Variants in TLE1 observed in about 807,000 individuals in gnomAD.
TLE1 encodes transducin-like enhancer protein 1.
A neutral mutation model predicts 89.8 loss-of-function variants in TLE1; 21 were observed. The ratio of observed to expected loss-of-function variants is 0.23; its 90% CI spans 0.17 to 0.34. The LOEUF is 0.34. Among genes scored for constraint, TLE1 ranks in the 10% least tolerant of loss-of-function variants. TLE1 has a pLI of 1.00. For missense variants in TLE1, 795 were observed against 1,031.2 expected, an observed-to-expected ratio of 0.77 and a Z score of 3.14; for synonymous variants, 447 against 407.6, an observed-to-expected ratio of 1.10 and a Z score of -1.16.
At chr9:81,613,650 A>C in intron 11 of TLE1, 129 bp from the exon 12 acceptor site, 1 of 1,015,966 alleles carries the variant, frequency 9.8e-7, no homozygotes, top group African/African-American at 1.6e-5. Context: ...ATAAATCCAC[A>C]CAATGTTGAC....
intron 2 of TLE1, among the ~76,000 whole-genome samples, chr9:81,686,403 T>C (rs574749030): frequency 6.6e-6 from 1 of 152,186 alleles, no homozygotes; most frequent in Non-Finnish European, 1.5e-5. Context: ...GCTACTGCAA[T>C]AAAGTGGGTT....
At chr9:81,648,136 G>A (rs1189976134) in intron 6 of TLE1, among the ~76,000 whole-genome samples, 2 of 151,844 alleles carry the variant, frequency 1.3e-5, no homozygotes, top group East Asian at 3.9e-4. Context: ...GCTGGGTATG[G>A]CGGTGCATGC....
At position 81,688,369 on chromosome 9, in the gene TLE1, G is replaced by T. The variant is rs1834652132; in HGVS notation, c.-129C>A. 10 of 1,080,368 alleles carry T rather than the reference G, an allele frequency of 9.3e-6. No individual in the cohort carries two copies. Among genetic ancestry groups the T allele is most frequent in the Non-Finnish European group, 1.2e-5 (10 of 803,030 alleles). The allele number at this position is 1,080,368 out of a possible 1,614,324, so 66.9% of individuals were successfully genotyped here. ...AGCGGGGAGCGCGCTGGCCACGCAC[G>T]CGCGCTCCGCCGGGCGCACCGGCCA... On this transcript the variant is annotated 5_prime_UTR_variant, in exon 1 of 20. Transcript: ENST00000376499.
At position 81,595,712 on chromosome 9, in the gene TLE1, G is replaced by A. The variant is rs559973577; in HGVS notation, c.1332-2438C>T. Among the ~76,000 whole-genome samples, 336 of 151,802 alleles carry A rather than the reference G, an allele frequency of 2.2e-3. 2 individuals carry two copies. The highest frequency in any genetic ancestry group is 3.3e-3 in the Admixed American group (50 of 15,240). ...CGGGCGCTTGTAGTCCCAGCTACTC[G>A]GGAGGCTGAGGCAGGAGAATGGCGT... On this transcript the variant is annotated intron_variant, in intron 14 of 19. Coordinates refer to ENST00000376499, the MANE Select transcript of TLE1 (RefSeq NM_005077.5).
intron 1 of TLE1, among the ~76,000 whole-genome samples, chr9:81,687,683 G>A (rs1311584208): frequency 6.6e-6 from 1 of 152,164 alleles, no homozygotes; most frequent in East Asian, 2.0e-4. Flanking sequence ...GTGCGCCCGG[G>A]TCACCAGGCC....
rs911274009 is a variant in TLE1 at position 81,688,952 on chromosome 9, G to C, written c.-712C>G. 4 of 152,362 alleles carry C rather than the reference G, an allele frequency of 2.6e-5. No homozygotes were observed. The highest frequency in any genetic ancestry group is 9.7e-5 in the African/African-American group (4 of 41,448). 9.4% of individuals were successfully genotyped at this position (152,362 alleles called of 1,614,324 possible). ...GGAGGCGGCTCGGCACGCCCCGTGCGACCAGCACTCGGTGTTCTCCGCGGT... is the reference window on the plus strand; with the variant it reads ...GGAGGCGGCTCGGCACGCCCCGTGCCACCAGCACTCGGTGTTCTCCGCGGT... On this transcript the variant is annotated 5_prime_UTR_variant, in exon 1 of 20. Transcript: ENST00000376499.
intron 4 of TLE1, among the ~76,000 whole-genome samples, chr9:81,661,625 T>C (rs1296530573): frequency 1.3e-5 from 2 of 152,062 alleles, no homozygotes; most frequent in Admixed American, 6.6e-5. Flanking sequence ...CAGTGGAGTG[T>C]TGGTAAGAAG....
At chr9:81,625,931 A>AAAAAAAAAAAC (rs1825846705) in intron 8 of TLE1, among the ~76,000 whole-genome samples, 1 of 151,206 alleles carries the variant, frequency 6.6e-6, no homozygotes. Flanking sequence ...AAAAAAAAAA[A>AAAAAAAAAAAC]AAGCAACTTT....
At chr9:81,659,272 T>TA (rs924363875) in intron 4 of TLE1, among the ~76,000 whole-genome samples, 1 of 152,168 alleles carries the variant, frequency 6.6e-6, no homozygotes, top group African/African-American at 2.4e-5. Context: ...TTAACCTGGG[T>TA]ATTTGACCCT....
intron 6 of TLE1, among the ~76,000 whole-genome samples, chr9:81,641,915 A>G (rs1828172183): frequency 6.6e-6 from 1 of 152,144 alleles, no homozygotes; most frequent in Non-Finnish European, 1.5e-5. Context: ...CCAGCTACTC[A>G]GGAGGTTGAG....
At chr9:81,616,748 T>C (rs751973708) in intron 9 of TLE1, 49 bp from the exon 10 acceptor site, 2 of 1,604,758 alleles carry the variant, frequency 1.2e-6, no homozygotes, top group East Asian at 4.5e-5. Context: ...AAGAATAGGT[T>C]TGAGGCACAG....
At chr9:81,615,585 C>T (rs528132924) in intron 11 of TLE1, among the ~76,000 whole-genome samples, 293 of 148,268 alleles carry the variant, frequency 2.0e-3, no homozygotes, top group Non-Finnish European at 3.6e-3. Flanking sequence ...TGGTCGCGCG[C>T]GCCTGTAATC....
At chr9:81,605,357 C>T (rs1831499712) in intron 14 of TLE1, among the ~76,000 whole-genome samples, 1 of 151,892 alleles carries the variant, frequency 6.6e-6, no homozygotes, top group African/African-American at 2.4e-5. Context: ...CTTGTAACAA[C>T]AAAAAATGGA....
intron 8 of TLE1, among the ~76,000 whole-genome samples, chr9:81,630,612 A>G (rs1470673144): frequency 6.6e-6 from 1 of 152,206 alleles, no homozygotes. Context: ...TATCAAGATC[A>G]TGAGGCCATA....
At chr9:81,585,419 A>C (rs1232600179) in intron 18 of TLE1, 86 bp downstream of exon 18, 1 of 1,517,370 alleles carries the variant, frequency 6.6e-7, no homozygotes, top group East Asian at 2.3e-5. Context: ...CATTTTTTCC[A>C]GATTATGATC....
chr9:81,644,751 T>C (rs1277978687), intron 6 of TLE1, among the ~76,000 whole-genome samples: 1 of 152,096 alleles, frequency 6.6e-6, no homozygotes, highest in African/African-American at 2.4e-5. Context: ...CCCAGCACTT[T>C]GGGAGGCAGA....
intron 11 of TLE1, among the ~76,000 whole-genome samples, chr9:81,613,908 T>TC: frequency 7.3e-6 from 1 of 137,858 alleles, no homozygotes; most frequent in Admixed American, 7.1e-5. Context: ...TTTCTTTTCT[T>TC]TTTTTTTTTT....
Position 81,613,895 on chromosome 9 carries a change from CCTTTT to C in TLE1, c.919-379_919-375del, listed in dbSNP as rs1343461660. ...CTGGCCGCCAAGTCCAAGGAAGACC[CCTTTT>C]CTTTTCTTTTTTTTTTTTTTTTTTT... On this transcript the variant is annotated intron_variant, in intron 11 of 19. Coordinates refer to ENST00000376499, the MANE Select transcript of TLE1 (RefSeq NM_005077.5). Among the ~76,000 whole-genome samples, 457 of 146,576 alleles carry C rather than the reference CCTTTT, an allele frequency of 3.1e-3. 8 individuals are homozygous for C. The highest frequency in any genetic ancestry group is 9.7e-3 in the East Asian group (46 of 4,738).
intron 16 of TLE1, among the ~76,000 whole-genome samples, chr9:81,588,550 A>G (rs1334702169): frequency 6.6e-6 from 1 of 152,176 alleles, no homozygotes; most frequent in Non-Finnish European, 1.5e-5. Flanking sequence ...GCGGAGCACA[A>G]GGTTGTTCTT....
Sources: allele counts gnomAD v4.1 joint callset (sites outside exome capture counted in the v4.1 genomes callset), GRCh38; gene constraint gnomAD v4.1.1; transcripts MANE v1.5; gene names NCBI Gene and HGNC (gene_info 2026-07-23, HGNC 2026-07-21).